Variants in ZGRF1 observed in about 807,000 individuals in gnomAD.
ZGRF1 encodes 5'-3' DNA helicase ZGRF1.
In ZGRF1, 196 loss-of-function variants were observed where a neutral mutation model predicts 203.5. The ratio of observed to expected loss-of-function variants is 0.96; its 90% CI spans 0.86 to 1.08. The LOEUF (loss-of-function observed/expected upper bound fraction) is 1.08. Ranked by LOEUF, ZGRF1 falls within the 50% of genes least tolerant of loss-of-function variation. The pLI is 0.00. For missense variants in ZGRF1, 2,326 were observed against 2,416.3 expected (o/e 0.96, Z 0.78); for synonymous variants, 809 against 841.3 (o/e 0.96, Z 0.66).
Position 112,548,578 on chromosome 4 carries a change from T to C in ZGRF1, c.5347-198A>G, listed in dbSNP as rs747637314. ...AAAATGGAAATCAACAAATGTAAGTTACTTAAGCCACAAGCCCATTAACAA... is the reference window on the plus strand; with the variant it reads ...AAAATGGAAATCAACAAATGTAAGTCACTTAAGCCACAAGCCCATTAACAA... On this transcript the variant is annotated intron_variant, in intron 22 of 27. Transcript: ENST00000505019. Among the ~76,000 whole-genome samples the C allele has an allele frequency of 7.1e-4, 107 of 151,766 alleles. 1 individual carries two copies. Among genetic ancestry groups the C allele is most frequent in the Non-Finnish European group, 9.0e-4 (61 of 67,994 alleles).
chr4:112,620,491 A>G (rs2047027680), intron 4 of ZGRF1, among the ~76,000 whole-genome samples: 1 of 152,210 alleles, frequency 6.6e-6, no homozygotes, highest in Non-Finnish European at 1.5e-5. Context: ...AGGCAAGAGG[A>G]TTGCTTGAGG....
intron 4 of ZGRF1, among the ~76,000 whole-genome samples, chr4:112,623,285 C>A (rs2047123833): frequency 6.6e-6 from 1 of 152,094 alleles, no homozygotes; most frequent in East Asian, 1.9e-4. Flanking sequence ...GATTCCATGT[C>A]TTTGCTATTG....
chr4:112,583,154 G>C (rs1746572170), intron 15 of ZGRF1, among the ~76,000 whole-genome samples: 1 of 152,110 alleles, frequency 6.6e-6, no homozygotes, highest in South Asian at 2.1e-4. Flanking sequence ...CATGCGAAGT[G>C]CCTAGTTAGA....
intron 10 of ZGRF1, among the ~76,000 whole-genome samples, chr4:112,591,155 A>C (rs1353433165): frequency 6.6e-6 from 1 of 152,176 alleles, no homozygotes; most frequent in Non-Finnish European, 1.5e-5. Context: ...CTGAGTTCTT[A>C]CTATATGCCA....
chr4:112,571,168 A>G (rs1194530476), intron 16 of ZGRF1, among the ~76,000 whole-genome samples: 1 of 152,138 alleles, frequency 6.6e-6, no homozygotes, highest in Non-Finnish European at 1.5e-5. Flanking sequence ...ATTAGAGAAG[A>G]GAAAAGCCTC....
intron 6 of ZGRF1, among the ~76,000 whole-genome samples, chr4:112,615,721 C>A (rs1265448887): frequency 6.6e-5 from 10 of 151,592 alleles, no homozygotes. Flanking sequence ...GCAACCTCCA[C>A]CTACCAGGTT....
intron 9 of ZGRF1, chr4:112,605,602 A>G (rs1197547115): frequency 6.2e-6 from 1 of 162,292 alleles, no homozygotes; most frequent in East Asian, 1.9e-4. Context: ...AATAGGTAGC[A>G]CTACTTAGAT....
intron 8 of ZGRF1, 66 bp from the exon 9 acceptor site, chr4:112,606,157 G>A (rs1194958300): frequency 3.8e-6 from 4 of 1,049,370 alleles, no homozygotes; most frequent in Admixed American, 2.3e-5. Flanking sequence ...TCATGATTTT[G>A]ATGGAAAAAT....
intron 3 of ZGRF1, chr4:112,628,854 A>T (rs1184422256): frequency 4.6e-6 from 2 of 436,918 alleles, no homozygotes; most frequent in Non-Finnish European, 9.0e-6. Context: ...CACTGGATCT[A>T]AAGAAAAAGG....
At chr4:112,603,372 T>C (rs916785322) in intron 10 of ZGRF1, 152 bp downstream of exon 10, 10 of 505,768 alleles carry the variant, frequency 2.0e-5, no homozygotes, top group Admixed American at 3.4e-5. Flanking sequence ...AAAATACTTT[T>C]GTTATTTAGT....
At chr4:112,597,278 C>T (rs1018649145) in intron 10 of ZGRF1, among the ~76,000 whole-genome samples, 1 of 150,564 alleles carries the variant, frequency 6.6e-6, no homozygotes, top group African/African-American at 2.4e-5. Flanking sequence ...ATAATCCCAG[C>T]ACTTTGGGAG....
At position 112,587,813 on chromosome 4, in the gene ZGRF1, A is replaced by ATTAG; in HGVS notation, c.3243_3244insCTAA (p.Ser1082LeufsTer10). The ATTAG allele has an allele frequency of 6.4e-7, 1 of 1,551,854 alleles. No homozygotes were observed. Among genetic ancestry groups the ATTAG allele is most frequent in the Non-Finnish European group, 8.7e-7 (1 of 1,147,002 alleles). Reference sequence around the variant, plus strand: ...TTAGAGTTGATCATATACGAATGAGAGTCTAAGTCAGGTGGCCCATCAGTA... The same window carrying ATTAG: ...TTAGAGTTGATCATATACGAATGAGATTAGGTCTAAGTCAGGTGGCCCATCAGTA... On this transcript the variant is annotated frameshift_variant, in exon 12 of 28. Transcript: ENST00000505019. LOFTEE classifies it high-confidence loss of function.
intron 16 of ZGRF1, among the ~76,000 whole-genome samples, chr4:112,564,096 C>T (rs1380928067): frequency 1.3e-5 from 2 of 152,182 alleles, no homozygotes; most frequent in Non-Finnish European, 2.9e-5. Context: ...GGACTCAGTT[C>T]AGGCTGAGAA....
Position 112,558,166 on chromosome 4 carries a change from C to T in ZGRF1, c.5104G>A (p.Asp1702Asn). Residue 1702 changes from aspartate to asparagine, a missense_variant, in exon 20 of 28, where the codon GAC becomes AAC. Asp to Asn is a conservative substitution (Grantham distance 23). Transcript: ENST00000505019. ...CATGCCTACCCAAGAAGTACTCTGT[C>T]AACAGCCACATTAGTAGAAGAAGAA... is the stretch of plus-strand genomic sequence containing the variant. ...LISSSTNVAV[D>N]RVLLGLLSLG... The T allele has an allele frequency of 6.2e-7, 1 of 1,606,848 alleles. No homozygotes were observed. The highest frequency in any genetic ancestry group is 8.5e-7 in the Non-Finnish European group (1 of 1,177,818).
intron 10 of ZGRF1, among the ~76,000 whole-genome samples, chr4:112,592,796 T>C (rs1015632241): frequency 3.3e-5 from 5 of 152,242 alleles, no homozygotes; most frequent in Non-Finnish European, 5.9e-5. Flanking sequence ...GAGAGAATTA[T>C]GTACCCACAA....
At chr4:112,608,990 C>A (rs1297615787) in intron 8 of ZGRF1, among the ~76,000 whole-genome samples, 2 of 151,862 alleles carry the variant, frequency 1.3e-5, no homozygotes, top group Non-Finnish European at 2.9e-5. Flanking sequence ...ATATATAATA[C>A]AAACTTAGAT....
chr4:112,602,455 C>T (rs1039473755), intron 10 of ZGRF1, among the ~76,000 whole-genome samples: 1 of 152,108 alleles, frequency 6.6e-6, no homozygotes, highest in South Asian at 2.1e-4. Context: ...TTATAAAAAC[C>T]ACTTTGGAAA....
intron 6 of ZGRF1, among the ~76,000 whole-genome samples, chr4:112,615,882 G>A (rs1264027275): frequency 4.0e-5 from 6 of 148,364 alleles, no homozygotes; most frequent in African/African-American, 7.4e-5. Flanking sequence ...TGATCCACCC[G>A]CCTCTGCCTC....
Position 112,547,339 on chromosome 4 carries a change from A to G in ZGRF1, c.5544T>C (p.Asp1848=), listed in dbSNP as rs753824345. The G allele has an allele frequency of 2.9e-5, 46 of 1,613,800 alleles. No individual in the cohort carries two copies. In the East Asian group the frequency reaches 1.0e-3, roughly 35 times the overall value. The part of the protein sequence containing the change: ...KQLPPTIQGS[D]AAHENGLEQT... ...GTTCCAATCCATTTTCATGAGCTGC[A>G]TCAGAACCCTGAATAGTAGGAGGTA... Residue 1848 remains aspartate, a synonymous_variant, in exon 24 of 28, where the codon GAT becomes GAC. Transcript: ENST00000505019.
Sources: allele counts gnomAD v4.1 joint callset (sites outside exome capture counted in the v4.1 genomes callset), GRCh38; gene constraint gnomAD v4.1.1; transcripts MANE v1.5; gene names NCBI Gene and HGNC (gene_info 2026-07-23, HGNC 2026-07-21).